Variants in TENM3 observed in about 807,000 individuals in gnomAD.
TENM3 encodes teneurin-3.
Under a neutral mutation model 255.1 loss-of-function variants are expected in TENM3, and 63 were observed. The ratio of observed to expected loss-of-function variants is 0.25; its 90% CI spans 0.20 to 0.30. The LOEUF (loss-of-function observed/expected upper bound fraction) is 0.30, where lower values mean the gene tolerates loss of function less well. Ranked by LOEUF, TENM3 falls within the 10% of genes least tolerant of loss-of-function variation. TENM3 has a pLI of 1.00. For synonymous variants in TENM3, 1,306 were observed against 1,322.3 expected (o/e 0.99, Z 0.27); for missense variants, 2,929 against 3,461.1 (o/e 0.85, Z 3.86).
At chr4:182,408,685 A>G (rs1039443808) in intron 3 of TENM3, among the ~76,000 whole-genome samples, 2 of 152,260 alleles carry the variant, frequency 1.3e-5, no homozygotes, top group African/African-American at 4.8e-5. Context: ...TTTAAAATAA[A>G]GAGTCATCCT....
intron 1 of TENM3, among the ~76,000 whole-genome samples, chr4:182,167,507 A>G (rs1263088394): frequency 6.6e-6 from 1 of 152,226 alleles, no homozygotes; most frequent in Non-Finnish European, 1.5e-5. Context: ...GTAGAATTTG[A>G]TAAAGAATAC....
chr4:182,270,133 T>A (rs1053204216), intron 1 of TENM3, among the ~76,000 whole-genome samples: 1 of 152,158 alleles, frequency 6.6e-6, no homozygotes, highest in Non-Finnish European at 1.5e-5. Flanking sequence ...GTTCTTGTTA[T>A]GTAGACGAAG....
intron 3 of TENM3, among the ~76,000 whole-genome samples, chr4:182,584,062 A>G (rs1745771789): frequency 6.6e-6 from 1 of 152,234 alleles, no homozygotes; most frequent in Non-Finnish European, 1.5e-5. Context: ...CAAGATTTTC[A>G]ACAGAAGGGC....
the TENM3 span, among the ~76,000 whole-genome samples, chr4:181,856,587 C>A: frequency 6.6e-6 from 1 of 152,146 alleles, no homozygotes; most frequent in Non-Finnish European, 1.5e-5. Flanking sequence ...GGCAATAGTG[C>A]CGAATTGTTT....
At chr4:182,332,558 G>A (rs1763832041) in intron 2 of TENM3, among the ~76,000 whole-genome samples, 1 of 152,060 alleles carries the variant, frequency 6.6e-6, no homozygotes, top group African/African-American at 2.4e-5. Context: ...GCTGGGCGTG[G>A]TGGTGGGCGC....
At chr4:181,482,324 A>G in the TENM3 span, among the ~76,000 whole-genome samples, 1 of 152,144 alleles carries the variant, frequency 6.6e-6, no homozygotes, top group Non-Finnish European at 1.5e-5. Context: ...ATACATCAAC[A>G]TAAAATTCTG....
chr4:182,457,186 C>CA (rs34395020), intron 3 of TENM3, among the ~76,000 whole-genome samples: 36,200 of 96,664 alleles, frequency 0.37, 5,868 homozygotes, highest in East Asian at 0.57. Flanking sequence ...CTCTGTCTCT[C>CA]AAAAAAAAAA....
intron 3 of TENM3, among the ~76,000 whole-genome samples, chr4:182,511,954 G>T (rs1737441513): frequency 6.6e-6 from 1 of 152,110 alleles, no homozygotes; most frequent in Non-Finnish European, 1.5e-5. Context: ...ATTAGAAAAT[G>T]ACACTAATTA....
intron 1 of TENM3, among the ~76,000 whole-genome samples, chr4:182,221,713 T>C (rs1338329837): frequency 6.6e-6 from 1 of 152,228 alleles, no homozygotes; most frequent in Admixed American, 6.5e-5. Flanking sequence ...CATCAATAAA[T>C]ATTTTTCAAT....
chr4:182,778,975 T>C (rs1764919991), intron 24 of TENM3, among the ~76,000 whole-genome samples: 1 of 151,260 alleles, frequency 6.6e-6, no homozygotes, highest in Admixed American at 6.6e-5. Flanking sequence ...TGAAGAATTG[T>C]TAGTACTTTT....
intron 5 of TENM3, among the ~76,000 whole-genome samples, chr4:182,646,377 G>T (rs1752741118): frequency 6.6e-6 from 1 of 152,186 alleles, no homozygotes; most frequent in Admixed American, 6.5e-5. Flanking sequence ...ATGATGTGTG[G>T]CTAATAATGC....
intron 3 of TENM3, among the ~76,000 whole-genome samples, chr4:182,581,503 C>T (rs1403379537): frequency 3.3e-5 from 5 of 151,970 alleles, no homozygotes; most frequent in Admixed American, 1.3e-4. Context: ...TTTGGGAGGC[C>T]GAGGAGGGCG....
At chr4:181,528,054 TAA>T in the TENM3 span, among the ~76,000 whole-genome samples, 1 of 152,174 alleles carries the variant, frequency 6.6e-6, no homozygotes, top group Non-Finnish European at 1.5e-5. Flanking sequence ...GTGTAAGGCG[TAA>T]ATCCTTACAT....
chr4:181,686,851 A>T, the TENM3 span, among the ~76,000 whole-genome samples: 4 of 152,188 alleles, frequency 2.6e-5, no homozygotes, highest in African/African-American at 9.6e-5. Context: ...ATAGCTTGGC[A>T]TGTACTTTGC....
intron 4 of TENM3, among the ~76,000 whole-genome samples, chr4:182,623,165 C>G (rs1750461362): frequency 6.6e-6 from 1 of 152,078 alleles, no homozygotes; most frequent in Non-Finnish European, 1.5e-5. Flanking sequence ...CGCCCACCAC[C>G]ACGCCCGGCT....
chr4:182,127,293 G>A, the TENM3 span, among the ~76,000 whole-genome samples: 1 of 152,122 alleles, frequency 6.6e-6, no homozygotes, highest in South Asian at 2.1e-4. Flanking sequence ...ATAATTGTAC[G>A]TTCCTCCAGA....
chr4:181,738,130 C>T, the TENM3 span, among the ~76,000 whole-genome samples: 1 of 152,090 alleles, frequency 6.6e-6, no homozygotes, highest in African/African-American at 2.4e-5. Context: ...ATGTTTTCAT[C>T]GTACACTATC....
intron 4 of TENM3, among the ~76,000 whole-genome samples, chr4:182,613,148 T>A (rs1366957632): frequency 1.3e-5 from 2 of 152,228 alleles, no homozygotes; most frequent in African/African-American, 4.8e-5. Flanking sequence ...GATGAAGTCT[T>A]GTCCAGATAG....
the TENM3 span, among the ~76,000 whole-genome samples, chr4:181,740,775 A>G: frequency 2.0e-5 from 3 of 152,180 alleles, no homozygotes; most frequent in African/African-American, 7.2e-5. Context: ...AACTAGTAAC[A>G]AAAATGAAAG....
Sources: gnomAD v4.1 joint callset for allele counts (sites outside exome capture counted in the v4.1 genomes callset) on GRCh38, gnomAD v4.1.1 for gene constraint, MANE v1.5 for transcripts, NCBI Gene and HGNC (gene_info 2026-07-23, HGNC 2026-07-21) for gene names.